The following RIF1 variants were observed in gnomAD, a reference collection of about 807,000 sequenced individuals.
RIF1 encodes replication timing regulatory factor 1.
Under a neutral mutation model 247.1 loss-of-function variants are expected in RIF1, and 45 were observed. That is an observed-to-expected ratio of 0.18 (90% CI 0.14 to 0.23). RIF1 has a LOEUF of 0.23. Among genes scored for constraint, RIF1 ranks in the 10% least tolerant of loss-of-function variants. The pLI is 1.00. For missense variants in RIF1, 2,967 were observed against 2,862.5 expected (o/e 1.04, Z -0.83); for synonymous variants, 1,087 against 978.8 (o/e 1.11, Z -2.06).
intron 20 of RIF1, among the ~76,000 whole-genome samples, chr2:151,449,152 C>A (rs1317580640): frequency 6.6e-6 from 1 of 152,146 alleles, no homozygotes; most frequent in East Asian, 1.9e-4. Context: ...CTCATACTTG[C>A]TTGTTGCTGA....
chr2:151,494,241 C>G (rs2058614496), intron 9 of RIF1: 1 of 1,598,394 alleles, frequency 6.3e-7, no homozygotes. Flanking sequence ...CCCACATTTT[C>G]TTTGTACAAA....
At chr2:151,486,868 A>G (rs571459517), downstream of RIF1, 4 of 152,334 alleles carry the variant, frequency 2.6e-5, no homozygotes, top group East Asian at 7.7e-4. Flanking sequence ...ATGGAGAATG[A>G]ATGCCAATGG....
At position 151,474,307 on chromosome 2, in the gene RIF1, T is replaced by C. The variant is rs1310704981; in HGVS notation, c.7204+235T>C. On this transcript the variant is annotated intron_variant, in intron 35 of 35. Transcript: ENST00000444746. ...AACTATACACTTTCTCTTCTAGTTA[T>C]ATTAATAAATGAAGTAGTCTACCAT... 2.0e-5 allele frequency among the ~76,000 whole-genome samples: 3 copies of C among 152,382 alleles called. No individual in the cohort carries two copies. The South Asian group carries it at 6.2e-4, about 32-fold the overall frequency.
intron 12 of RIF1, among the ~76,000 whole-genome samples, chr2:151,503,621 A>C (rs1029872343): frequency 1.1e-5 from 1 of 88,254 alleles, no homozygotes; most frequent in Non-Finnish European, 2.6e-5. Context: ...AAATAGTAAA[A>C]ATTTTTACTA....
intron 2 of RIF1, among the ~76,000 whole-genome samples, chr2:151,410,758 T>A (rs749735785): frequency 1.9e-4 from 29 of 152,088 alleles, no homozygotes; most frequent in Non-Finnish European, 3.4e-4. Context: ...AGCATGCACG[T>A]GTGTTTTGCA....
In RIF1 at chr2:151,443,233, A is replaced by T. The variant is rs938595939; in HGVS notation, c.1735-26A>T. The T allele has an allele frequency of 3.0e-6, 4 of 1,350,726 alleles. No homozygotes were observed. The African/African-American group carries it at 5.8e-5, about 20-fold the overall frequency. The allele number at this position is 1,350,726 out of a possible 1,614,324, so 83.7% of individuals were successfully genotyped here. On this transcript the variant is annotated intron_variant, in intron 16 of 35. Coordinates refer to ENST00000444746, the MANE Select transcript of RIF1 (RefSeq NM_018151.5). ...AAATGTTCTATTCTTTGTAACTGAG[A>T]AGATTGACTTCATTTTCTCCTTCAG... is the stretch of plus-strand genomic sequence containing the variant.
chr2:151,428,055 C>CAAACA (rs138779552), intron 8 of RIF1, among the ~76,000 whole-genome samples: 18 of 151,958 alleles, frequency 1.2e-4, no homozygotes, highest in Non-Finnish European at 1.3e-4. Context: ...GACTCCATCT[C>CAAACA]AAACAAAACA....
chr2:151,465,609 TG>T lies in RIF1; in HGVS notation c.6091del (p.Ala2031LeufsTer14). On this transcript the variant is annotated frameshift_variant, in exon 30 of 36. Coordinates refer to ENST00000444746, the MANE Select transcript of RIF1 (RefSeq NM_018151.5). LOFTEE classifies it high-confidence loss of function. ...NNEEMMIGEA[M>X]AETGHDGETE... ...GAAGAAATGATGATCGGCGAGGCAA[TG>T]GCTGAAACTGGCCATGATGGTGAAA... 1 of 1,613,922 alleles carries T rather than the reference TG, an allele frequency of 6.2e-7. No homozygotes were observed. Among genetic ancestry groups the T allele is most frequent in the Non-Finnish European group, 8.5e-7 (1 of 1,179,900 alleles).
Position 151,497,626 on chromosome 2 carries a change from C to T in RIF1, c.*514-1719C>T, listed in dbSNP as rs541126160. 12 of 1,569,226 alleles carry T rather than the reference C, an allele frequency of 7.6e-6. No homozygotes were observed. The East Asian group carries it at 1.6e-4, about 21-fold the overall frequency. On this transcript the variant is annotated intron_variant and NMD_transcript_variant, in intron 10 of 13. Transcript: ENST00000454583. ...TTTTTTTCTTTTCTTGCCAAAGTAC[C>T]GAGCTAATATTTTCTTGATTGTGTT...
At chr2:151,500,637 C>T (rs2153053295) in intron 11 of RIF1, among the ~76,000 whole-genome samples, 1 of 135,194 alleles carries the variant, frequency 7.4e-6, no homozygotes, top group Admixed American at 8.7e-5. Context: ...ACTCCTGTTG[C>T]CTAGGCTGGA....
downstream of RIF1, among the ~76,000 whole-genome samples, chr2:151,484,731 A>C (rs909055115): frequency 7.9e-5 from 12 of 152,224 alleles, no homozygotes; most frequent in Non-Finnish European, 2.9e-5. Flanking sequence ...AAGACTTGGG[A>C]GCAGGAGAGT....
rs1689563560 is a variant in RIF1, at chr2:151,428,775, C to T, written c.787-9C>T. ...AAATAACTTCTTAATGATTTTTTCCCCTTTTTAGACCTTGCATCGAAGTGG... is the reference window on the plus strand; with the variant it reads ...AAATAACTTCTTAATGATTTTTTCCTCTTTTTAGACCTTGCATCGAAGTGG... On this transcript the variant is annotated splice_polypyrimidine_tract_variant and intron_variant, in intron 8 of 35. Transcript: ENST00000444746. The T allele has an allele frequency of 6.3e-7, 1 of 1,592,236 alleles. No homozygotes were observed. The highest frequency in any genetic ancestry group is 8.6e-7 in the Non-Finnish European group (1 of 1,162,822).
chr2:151,436,090 C>T (rs1016682227), intron 11 of RIF1, among the ~76,000 whole-genome samples: 8 of 151,896 alleles, frequency 5.3e-5, no homozygotes, highest in Non-Finnish European at 8.8e-5. Flanking sequence ...CGGGCGTGGT[C>T]GTGGGCCCCT....
At chr2:151,471,365 T>C (rs1341253089) in intron 34 of RIF1, among the ~76,000 whole-genome samples, 1 of 150,348 alleles carries the variant, frequency 6.7e-6, no homozygotes, top group Admixed American at 6.6e-5. Flanking sequence ...CAGAAGCTCT[T>C]TAGTTTAGTT....
intron 16 of RIF1, among the ~76,000 whole-genome samples, chr2:151,442,814 C>G (rs1023332004): frequency 2.2e-5 from 3 of 135,948 alleles, no homozygotes; most frequent in African/African-American, 5.6e-5. Flanking sequence ...GGCTGTTGCG[C>G]AGTCTGGAGT....
At chr2:151,425,274 TTA>T (rs1033647940) in intron 8 of RIF1, among the ~76,000 whole-genome samples, 2 of 152,162 alleles carry the variant, frequency 1.3e-5, no homozygotes, top group African/African-American at 4.8e-5. Context: ...TTGTAGTTCT[TTA>T]TATGTTTTGG....
chr2:151,521,569 G>C, the RIF1 span, among the ~76,000 whole-genome samples: 1 of 152,160 alleles, frequency 6.6e-6, no homozygotes, highest in African/African-American at 2.4e-5. Flanking sequence ...AGTCAGAGTA[G>C]GGAAGAAAAG....
intron 12 of RIF1, chr2:151,505,654 C>T (rs1327789338): frequency 8.6e-7 from 1 of 1,163,470 alleles, no homozygotes; most frequent in Non-Finnish European, 1.3e-6. Flanking sequence ...TTTTTGTAGC[C>T]CCCAAATTAA....
At chr2:151,441,145 C>T (rs955854637) in intron 15 of RIF1, among the ~76,000 whole-genome samples, 3 of 152,144 alleles carry the variant, frequency 2.0e-5, no homozygotes, top group Admixed American at 1.3e-4. Context: ...CACTTGAGCC[C>T]ATGAGGTTGA....
Sources: allele counts gnomAD v4.1 joint callset (sites outside exome capture counted in the v4.1 genomes callset), GRCh38; gene constraint gnomAD v4.1.1; transcripts MANE v1.5; gene names NCBI Gene and HGNC (gene_info 2026-07-23, HGNC 2026-07-21).